The following IQSEC3 variants were observed in gnomAD, a reference collection of about 807,000 sequenced individuals.
The protein encoded by IQSEC3 is IQ motif and Sec7 domain ArfGEF 3.
A neutral mutation model predicts 105.4 loss-of-function variants in IQSEC3; 50 were observed. The observed-to-expected ratio is 0.47, with a 90% confidence interval of 0.38 to 0.60. The LOEUF is 0.60. Ranked by LOEUF, IQSEC3 falls within the 20% of genes least tolerant of loss-of-function variation. The probability of loss-of-function intolerance (pLI) is 0.00; values close to 1 mark genes in which losing one functional copy is unlikely to be tolerated. For missense variants in IQSEC3, 1,415 were observed against 1,630.0 expected (o/e 0.87, Z 2.27); for synonymous variants, 708 against 746.0 (o/e 0.95, Z 0.83).
chr12:125,961 C>G, intron 3 of IQSEC3, 49 bp downstream of exon 3: 1 of 1,449,340 alleles, frequency 6.9e-7, no homozygotes, highest in South Asian at 1.2e-5. Context: ...AGGGGCCCTG[C>G]TTTGGGGGCT....
chr12:171,215 C>A, intron 13 of IQSEC3, 54 bp downstream of exon 13: 1 of 1,613,854 alleles, frequency 6.2e-7, no homozygotes. Context: ...CCTTGTTCTT[C>A]TTCTCACCGT....
intron 7 of IQSEC3, among the ~76,000 whole-genome samples, chr12:158,955 G>T (rs1565443829): frequency 6.6e-6 from 1 of 152,162 alleles, no homozygotes; most frequent in South Asian, 2.1e-4. Flanking sequence ...CACCACGCCT[G>T]GCCCTTGTTA....
intron 3 of IQSEC3, among the ~76,000 whole-genome samples, chr12:131,014 G>A (rs1287127421): frequency 2.2e-5 from 1 of 46,058 alleles, no homozygotes; most frequent in African/African-American, 9.0e-5. Flanking sequence ...CCCAGCTAGC[G>A]GCTCTTCCTC....
intron 3 of IQSEC3, among the ~76,000 whole-genome samples, chr12:133,700 T>C (rs28503492): frequency 2.5e-4 from 36 of 141,682 alleles, no homozygotes; most frequent in African/African-American, 7.3e-4. Flanking sequence ...GTTGGGTCAG[T>C]ATCTGGCATT....
In IQSEC3 at chr12:138,417, T is replaced by A. The variant is rs1362527178; in HGVS notation, c.1054T>A (p.Ser352Thr). The A allele has an allele frequency of 3.7e-6, 6 of 1,608,776 alleles. No homozygotes were observed. The highest frequency in any genetic ancestry group is 5.1e-6 in the Non-Finnish European group (6 of 1,179,800). ...GGAGAGCCGCCTGCCACGGCGGATC[T>A]CCCTGCGCAAGGTGCGGTCACCCAC... ...LLESRLPRRI[S>T]LRKVRSPTAE... is the part of the protein sequence containing the mutation. The change falls in exon 4 of 14, where the codon TCC becomes ACC. Residue 352 changes from serine to threonine, a missense_variant. Transcript: ENST00000538872. The surrounding 1 kb of genome is among the most constrained non-coding windows in gnomAD (Gnocchi z 7.1).
intron 7 of IQSEC3, among the ~76,000 whole-genome samples, chr12:160,570 G>A (rs1866854452): frequency 6.6e-6 from 1 of 152,168 alleles, no homozygotes; most frequent in Middle Eastern, 3.2e-3. Flanking sequence ...TTGGCTGGGT[G>A]TGGGGTCCCT....
At chr12:107,153 G>C (rs1267588517) in intron 2 of IQSEC3, among the ~76,000 whole-genome samples, 6 of 152,198 alleles carry the variant, frequency 3.9e-5, no homozygotes, top group African/African-American at 1.4e-4. Context: ...GCACCCTCAA[G>C]TTAAAGTGGC....
intron 7 of IQSEC3, among the ~76,000 whole-genome samples, chr12:160,055 G>T (rs1866830217): frequency 1.3e-5 from 2 of 150,482 alleles, no homozygotes; most frequent in African/African-American, 4.9e-5. Context: ...CTCTTTTATA[G>T]CATTTTATTC....
chr12:82,626 A>G (rs140886241), intron 1 of IQSEC3, among the ~76,000 whole-genome samples: 8 of 152,330 alleles, frequency 5.3e-5, no homozygotes, highest in Non-Finnish European at 1.0e-4. Flanking sequence ...GAAAGTCATC[A>G]TTTAATGAAA....
At chr12:83,193 T>C (rs1430489351) in intron 1 of IQSEC3, among the ~76,000 whole-genome samples, 2 of 152,158 alleles carry the variant, frequency 1.3e-5, no homozygotes, top group Non-Finnish European at 2.9e-5. Flanking sequence ...CATTTAGGGA[T>C]GGGAAATTCT....
intron 5 of IQSEC3, 70 bp downstream of exon 5, chr12:141,355 G>T (rs1591712255): frequency 1.3e-6 from 2 of 1,505,550 alleles, no homozygotes; most frequent in Non-Finnish European, 1.8e-6. Flanking sequence ...CTCTCTGTGA[G>T]CTCCTTGGTG....
In IQSEC3 at chr12:157,082, G is replaced by C. The variant is rs782492092; in HGVS notation, c.2211G>C (p.Lys737Asn). 1 of 1,606,730 alleles carries C rather than the reference G, an allele frequency of 6.2e-7. No individual in the cohort carries two copies. The highest frequency in any genetic ancestry group is 8.5e-7 in the Non-Finnish European group (1 of 1,176,502). The change falls in exon 6 of 14, where the codon AAG becomes AAC. Residue 737 changes from lysine to asparagine, a missense_variant. Transcript: ENST00000538872. The stretch of plus-strand genomic sequence containing the variant: ...TGGAGCTGGACGAGGCCCTGCGCAA[G>C]TTCCAGGCACACATCCGTGTGCAGG... ...SSMELDEALR[K>N]FQAHIRVQGE... is the part of the protein sequence containing the mutation.
At chr12:157,992 G>A (rs1264770797) in intron 7 of IQSEC3, among the ~76,000 whole-genome samples, 1 of 152,220 alleles carries the variant, frequency 6.6e-6, no homozygotes, top group African/African-American at 2.4e-5. Context: ...CGGCTCAAGT[G>A]GTGCCAGCCC....
At chr12:88,523 G>A (rs146784697) in intron 1 of IQSEC3, among the ~76,000 whole-genome samples, 1 of 152,210 alleles carries the variant, frequency 6.6e-6, no homozygotes, top group East Asian at 1.9e-4. Flanking sequence ...TCAAAGAGAA[G>A]CAAGTCCTGG....
chr12:133,905 C>T (rs572429851), intron 3 of IQSEC3, among the ~76,000 whole-genome samples: 11 of 152,122 alleles, frequency 7.2e-5, no homozygotes, highest in African/African-American at 2.4e-4. Flanking sequence ...CAGTATCTGG[C>T]ATTTGCTCCT....
rs1555083028 is a variant in IQSEC3, at chr12:125,649, C to G, written c.640C>G (p.Gln214Glu). The G allele has an allele frequency of 8.5e-6, 13 of 1,523,110 alleles. No homozygotes were observed. The South Asian group carries it at 1.5e-4, about 18-fold the overall frequency. 94.3% of individuals were successfully genotyped at this position (1,523,110 alleles called of 1,614,324 possible). ...TGTTCACAGTGATGGCTCCTGCACC[C>G]AGGCCGGTGGGGGCATGGAGGACTC... ...LASQSDGSCT[Q>E]AGGGMEDSVV... The change falls in exon 3 of 14, where the codon CAG (glutamine) becomes GAG (glutamate). Residue 214 changes from glutamine to glutamate, a missense_variant. Gln to Glu is a conservative substitution (Grantham distance 29, BLOSUM62 2). Around this residue, in one of 6 missense-constraint regions of IQSEC3, gnomAD observed 720 missense variants for 633.0 expected, o/e 1.14. Coordinates refer to ENST00000538872, the MANE Select transcript of IQSEC3 (RefSeq NM_001170738.2).
intron 2 of IQSEC3, among the ~76,000 whole-genome samples, chr12:107,513 C>T (rs981799047): frequency 1.3e-5 from 2 of 151,046 alleles, no homozygotes; most frequent in Non-Finnish European, 2.9e-5. Flanking sequence ...GGGTTCACGC[C>T]ATTCTCCTGC....
intron 5 of IQSEC3, 65 bp downstream of exon 5, chr12:141,350 T>C (rs185407788): frequency 5.3e-5 from 80 of 1,514,954 alleles, no homozygotes; most frequent in Non-Finnish European, 7.0e-5. Flanking sequence ...GGGCTCTCTC[T>C]GTGAGCTCCT....
rs542319439 is a variant in IQSEC3 at position 67,053 on chromosome 12, G to A, written c.171G>A (p.Gln57=). Residue 57 remains glutamine (Q), a synonymous_variant, in exon 1 of 14, where the codon CAG becomes CAA. Transcript: ENST00000538872. ...AGAACCGCAGCCTGTGGGAGCACCAGCAGCTGCTGCAAGCCCAGCCTCCGC... is the reference window on the plus strand; with the variant it reads ...AGAACCGCAGCCTGTGGGAGCACCAACAGCTGCTGCAAGCCCAGCCTCCGC... The part of the protein sequence containing the change: ...SAENRSLWEH[Q]QLLQAQPPPG... The A allele has an allele frequency of 0.016, 24,015 of 1,530,424 alleles. 34 individuals are homozygous for A. The highest frequency in any genetic ancestry group is 0.031 in the Middle Eastern group (164 of 5,226). The allele number at this position is 1,530,424 out of a possible 1,614,324, so 94.8% of individuals were successfully genotyped here. A position where few individuals can be genotyped will look rare whatever the true frequency, so the allele number is the denominator to read the frequency against.
Sources: gnomAD v4.1 joint callset for allele counts (sites outside exome capture counted in the v4.1 genomes callset) on GRCh38, gnomAD v4.1.1 for gene constraint, gnomAD v4.1.1 regional missense constraint, Gnocchi (gnomAD v3.1) non-coding constraint, MANE v1.5 for transcripts, NCBI Gene and HGNC (gene_info 2026-07-23, HGNC 2026-07-21) for gene names.